The following INPP5A variants were observed in gnomAD, a reference collection of about 807,000 sequenced individuals.
The protein encoded by INPP5A is inositol polyphosphate-5-phosphatase A.
Under a neutral mutation model 65.2 loss-of-function variants are expected in INPP5A, and 14 were observed. That is an observed-to-expected ratio of 0.21 (90% CI 0.14 to 0.34). INPP5A has a LOEUF of 0.34. INPP5A is among the 10% of genes least tolerant of loss of function. INPP5A has a pLI of 1.00. For missense variants in INPP5A, 431 were observed against 545.6 expected (o/e 0.79, Z 2.09); for synonymous variants, 207 against 208.3 (o/e 0.99, Z 0.05).
In INPP5A at chr10:132,555,466, G is replaced by A. The variant is rs1321224674; in HGVS notation, c.75+17295G>A. On this transcript the variant is annotated intron_variant, in intron 1 of 15. Transcript: ENST00000368594. The surrounding 1 kb of genome is among the most constrained non-coding windows in gnomAD (Gnocchi z 4.4). ...CTTGGGCTGGGGCGTGGCCACGCTG[G>A]GAGGATGAGGAGCTTGAAGTGACTC... is the stretch of plus-strand genomic sequence containing the variant. Among the ~76,000 whole-genome samples the A allele has an allele frequency of 6.6e-6, 1 of 152,182 alleles. No homozygotes were observed. The highest frequency in any genetic ancestry group is 6.5e-5 in the Admixed American group (1 of 15,298).
At position 132,674,005 on chromosome 10, in the gene INPP5A, G is replaced by T. The variant is rs2072929855; in HGVS notation, c.307-16387G>T. ...CCATTCCTGCCATCATGGCCACTTT[G>T]TTCATGGGCCTATTGGACAATGACA... is the stretch of plus-strand genomic sequence containing the variant. On this transcript the variant is annotated intron_variant, in intron 4 of 15. Transcript: ENST00000368594. This position sits in a 1 kb window ranked among gnomAD's most constrained non-coding sequence, Gnocchi z 4.4. Among the ~76,000 whole-genome samples, 2 of 152,232 alleles carry T rather than the reference G, an allele frequency of 1.3e-5. No individual in the cohort carries two copies. The highest frequency in any genetic ancestry group is 2.9e-5 in the Non-Finnish European group (2 of 68,032).
At chr10:132,677,237 C>T (rs2072978565) in intron 4 of INPP5A, among the ~76,000 whole-genome samples, 2 of 152,364 alleles carry the variant, frequency 1.3e-5, no homozygotes, top group African/African-American at 2.4e-5. Flanking sequence ...CATCCCAGCT[C>T]ACATTGGTCT....
chr10:132,701,698 G>C (rs565672461), intron 6 of INPP5A, among the ~76,000 whole-genome samples: 1 of 152,310 alleles, frequency 6.6e-6, no homozygotes, highest in Non-Finnish European at 1.5e-5. Context: ...TGGCCTCTGG[G>C]AGGGGCCCCT....
chr10:132,766,505 G>T (rs550011338), intron 12 of INPP5A, among the ~76,000 whole-genome samples: 47 of 152,182 alleles, frequency 3.1e-4, no homozygotes, highest in Middle Eastern at 6.8e-3. Context: ...GTGTCCGTGT[G>T]TGTGCAGACC....
intron 11 of INPP5A, among the ~76,000 whole-genome samples, chr10:132,757,723 T>C (rs2134659302): frequency 6.6e-6 from 1 of 152,308 alleles, no homozygotes; most frequent in South Asian, 2.1e-4. Flanking sequence ...CCCGGCACCA[T>C]GGCGTGGGTC....
intron 8 of INPP5A, among the ~76,000 whole-genome samples, chr10:132,716,474 G>A (rs1845741881): frequency 1.3e-5 from 2 of 152,206 alleles, no homozygotes; most frequent in Non-Finnish European, 2.9e-5. Flanking sequence ...ACGTCTCCAC[G>A]AGCTCCAGCC....
intron 6 of INPP5A, among the ~76,000 whole-genome samples, chr10:132,703,314 C>T (rs991663362): frequency 3.3e-5 from 5 of 152,098 alleles, no homozygotes; most frequent in African/African-American, 4.8e-5. Context: ...GCCTGTCTTC[C>T]CATCCATGTT....
At chr10:132,671,419 G>A (rs570467419) in intron 4 of INPP5A, among the ~76,000 whole-genome samples, 17 of 146,514 alleles carry the variant, frequency 1.2e-4, no homozygotes, top group Non-Finnish European at 2.2e-4. Context: ...TCCCTGCTTC[G>A]GACTCCGCCC....
intron 2 of INPP5A, among the ~76,000 whole-genome samples, chr10:132,636,451 G>A (rs2072353795): frequency 6.6e-6 from 1 of 152,166 alleles, no homozygotes; most frequent in African/African-American, 2.4e-5. Flanking sequence ...AAACTGCACT[G>A]TACCCCTTAC....
chr10:132,549,143 C>G lies in INPP5A; in HGVS notation c.75+10972C>G, dbSNP rs900698076. 6.6e-6 allele frequency among the ~76,000 whole-genome samples: 1 copy of G among 152,156 alleles called. No homozygotes were observed. Among genetic ancestry groups the G allele is most frequent in the Non-Finnish European group, 1.5e-5 (1 of 68,042 alleles). On this transcript the variant is annotated intron_variant, in intron 1 of 15. Transcript: ENST00000368594. The surrounding 1 kb of genome is among the most constrained non-coding windows in gnomAD (Gnocchi z 4.9). ...CAGTGTCCCCTGAGTGGAGGCATAC[C>G]TCGTTTCTCCAGTCGCCCACAGATG...
chr10:132,554,963 G>A (rs943323518), intron 1 of INPP5A, among the ~76,000 whole-genome samples: 5 of 148,858 alleles, frequency 3.4e-5, no homozygotes, highest in Admixed American at 2.7e-4. Flanking sequence ...GGTCCATGTG[G>A]GTGGCATGAT....
chr10:132,540,821 C>G (rs2070897064), intron 1 of INPP5A, among the ~76,000 whole-genome samples: 1 of 152,258 alleles, frequency 6.6e-6, no homozygotes, highest in Non-Finnish European at 1.5e-5. Flanking sequence ...CCAAGCTCGT[C>G]TGTGACCAGT....
intron 1 of INPP5A, among the ~76,000 whole-genome samples, chr10:132,583,564 T>A (rs1018596084): frequency 1.3e-5 from 2 of 151,948 alleles, no homozygotes; most frequent in African/African-American, 2.4e-5. Flanking sequence ...AAAAAAAAAA[T>A]GTCCTTTATC....
At chr10:132,658,693 TG>T (rs1259902194) in intron 4 of INPP5A, among the ~76,000 whole-genome samples, 4 of 151,298 alleles carry the variant, frequency 2.6e-5, no homozygotes, top group Non-Finnish European at 4.4e-5. Flanking sequence ...CGCAGCTGGG[TG>T]GTCTCTGGGC....
Position 132,546,446 on chromosome 10 carries a change from C to T in INPP5A, c.75+8275C>T, listed in dbSNP as rs375449179. On this transcript the variant is annotated intron_variant, in intron 1 of 15. Transcript: ENST00000368594. The surrounding 1 kb of genome is among the most constrained non-coding windows in gnomAD (Gnocchi z 5.7). ...CTGGTGGGTCTCGGTGACCTTGAGC[C>T]GGTTGTCTTCTTGATCCTTCTCTCC... Among the ~76,000 whole-genome samples the T allele has an allele frequency of 3.3e-5, 5 of 151,856 alleles. No individual in the cohort carries two copies. The highest frequency in any genetic ancestry group is 1.9e-4 in the East Asian group (1 of 5,136).
intron 6 of INPP5A, 49 bp from the exon 7 acceptor site, chr10:132,708,264 C>T: frequency 6.4e-7 from 1 of 1,571,992 alleles, no homozygotes; most frequent in Non-Finnish European, 8.8e-7. Context: ...CCACGTGTTG[C>T]TCTTGCTCAC....
intron 2 of INPP5A, among the ~76,000 whole-genome samples, chr10:132,610,601 G>A (rs2071931393): frequency 6.6e-6 from 1 of 152,242 alleles, no homozygotes; most frequent in African/African-American, 2.4e-5. Context: ...GTGGTGGGGA[G>A]ACCTGGGGCT....
chr10:132,716,212 G>A (rs1033416203), intron 8 of INPP5A, among the ~76,000 whole-genome samples: 5 of 152,184 alleles, frequency 3.3e-5, no homozygotes, highest in African/African-American at 1.2e-4. Flanking sequence ...ATGTGGGCCC[G>A]CAGGTGCCCC....
intron 1 of INPP5A, among the ~76,000 whole-genome samples, chr10:132,541,654 A>C (rs1442478936): frequency 6.6e-6 from 1 of 152,220 alleles, no homozygotes. Flanking sequence ...GAGCGATTAC[A>C]TCATCCCACA....
Sources: allele counts gnomAD v4.1 joint callset (sites outside exome capture counted in the v4.1 genomes callset), GRCh38; gene constraint gnomAD v4.1.1; non-coding constraint Gnocchi (gnomAD v3.1); transcripts MANE v1.5; gene names NCBI Gene and HGNC (gene_info 2026-07-23, HGNC 2026-07-21).